PTGDS: variants seen among roughly 807,000 people sequenced by gnomAD.
PTGDS encodes the protein prostaglandin D2 synthase, also known as prostaglandin-H2 D-isomerase.
PTGDS carries 21 observed loss-of-function variants against 28.4 expected under a neutral mutation model. That is an observed-to-expected ratio of 0.74 (90% CI 0.52 to 1.07). The LOEUF (loss-of-function observed/expected upper bound fraction) is 1.07. Among genes scored for constraint, PTGDS ranks in the 50% least tolerant of loss-of-function variants. The pLI is 0.00. For synonymous variants in PTGDS, 102 were observed against 106.0 expected, an observed-to-expected ratio of 0.96 and a Z score of 0.23; for missense variants, 243 against 247.7, an observed-to-expected ratio of 0.98 and a Z score of 0.13.
At chr9:136,978,309 G>A (rs1830399511) in intron 1 of PTGDS, among the ~76,000 whole-genome samples, 1 of 152,082 alleles carries the variant, frequency 6.6e-6, no homozygotes, top group African/African-American at 2.4e-5. Flanking sequence ...CCAGGGCACA[G>A]AATCGGGACC....
chr9:136,978,456 G>A (rs1830401584), intron 1 of PTGDS, among the ~76,000 whole-genome samples: 1 of 132,964 alleles, frequency 7.5e-6, no homozygotes, highest in Non-Finnish European at 1.6e-5. Context: ...GAGGGGCGGG[G>A]CCATCTCCGG....
chr9:136,978,873 G>T, intron 1 of PTGDS, 120 bp from the exon 2 acceptor site: 4 of 1,423,992 alleles, frequency 2.8e-6, no homozygotes, highest in East Asian at 2.5e-5. Flanking sequence ...TCGGGGGATT[G>T]GGCGTGGGGG....
intron 3 of PTGDS, 47 bp downstream of exon 3, chr9:136,979,346 A>C (rs1196503766): frequency 6.3e-7 from 1 of 1,588,430 alleles, no homozygotes; most frequent in Non-Finnish European, 8.6e-7. Flanking sequence ...TGGGGGCGAC[A>C]CTTGCCGGGA....
At chr9:136,979,353 G>T in intron 3 of PTGDS, 54 bp downstream of exon 3, 1 of 1,586,930 alleles carries the variant, frequency 6.3e-7, no homozygotes, top group Non-Finnish European at 8.6e-7. Context: ...GACACTTGCC[G>T]GGACGACTCT....
intron 6 of PTGDS, 55 bp downstream of exon 6, chr9:136,980,910 C>T (rs1023115048): frequency 6.0e-6 from 8 of 1,323,906 alleles, no homozygotes; most frequent in Non-Finnish European, 8.3e-6. Flanking sequence ...ATTCAACACA[C>T]ATCCACCCAA....
chr9:136,979,357 C>T (rs1002876644), intron 3 of PTGDS, 58 bp downstream of exon 3: 14 of 1,584,082 alleles, frequency 8.8e-6, no homozygotes, highest in African/African-American at 1.3e-5. Flanking sequence ...CTTGCCGGGA[C>T]GACTCTGGGC....
At chr9:136,978,915 G>C (rs577231020) in intron 1 of PTGDS, 78 bp from the exon 2 acceptor site, 6 of 1,563,584 alleles carry the variant, frequency 3.8e-6, no homozygotes, top group Admixed American at 1.8e-5. Flanking sequence ...AGGAGTAGAC[G>C]GCAGAGGCGC....
At chr9:136,980,585 A>C (rs1830436690) in intron 5 of PTGDS, 1 of 1,380,912 alleles carries the variant, frequency 7.2e-7, no homozygotes. Context: ...TGGGGGATAC[A>C]GGGGAACCAA....
chr9:136,977,899 T>A, intron 1 of PTGDS, among the ~76,000 whole-genome samples: 1 of 151,974 alleles, frequency 6.6e-6, no homozygotes, highest in East Asian at 1.9e-4. Context: ...GGGCACCGCG[T>A]CCCGTCTCCC....
chr9:136,980,783 T>G (rs190538500), intron 5 of PTGDS, 50 bp from the exon 6 acceptor site: 26 of 1,613,832 alleles, frequency 1.6e-5, no homozygotes, highest in Non-Finnish European at 2.2e-5. Context: ...GTGGGAAAAT[T>G]GGCCTAAGTC....
intron 3 of PTGDS, 198 bp from the exon 4 acceptor site, chr9:136,979,748 G>C (rs996808155): frequency 3.0e-6 from 2 of 656,234 alleles, no homozygotes; most frequent in South Asian, 1.8e-5. Context: ...GGCTCCCCCA[G>C]ATTCTGGTTT....
chr9:136,979,486 C>T, intron 3 of PTGDS, 187 bp downstream of exon 3: 2 of 1,524,326 alleles, frequency 1.3e-6, no homozygotes, highest in South Asian at 1.2e-5. Flanking sequence ...CAGAGAGACC[C>T]TTCCTCCAGG....
Position 136,979,213 on chromosome 9 carries a change from C to T in PTGDS, c.255-10C>T, listed in dbSNP as rs548091306. 2 of 1,613,088 alleles carry T rather than the reference C, an allele frequency of 1.2e-6. No homozygotes were observed. The highest frequency in any genetic ancestry group is 2.2e-5 in the South Asian group (2 of 91,086). On this transcript the variant is annotated splice_polypyrimidine_tract_variant and intron_variant, in intron 2 of 6. Coordinates refer to ENST00000371625, the MANE Select transcript of PTGDS (RefSeq NM_000954.6). ...GCCTAACCCCTGACCCTGAGGTCAC[C>T]CACCTACAGGAAAAACCAGTGTGAG...
At chr9:136,978,155 C>T (rs1588486009) in intron 1 of PTGDS, among the ~76,000 whole-genome samples, 1 of 152,100 alleles carries the variant, frequency 6.6e-6, no homozygotes, top group East Asian at 1.9e-4. Flanking sequence ...GGGGAAGCGC[C>T]GGAGCGCGGG....
intron 5 of PTGDS, chr9:136,980,559 G>C: frequency 1.7e-6 from 2 of 1,186,892 alleles, no homozygotes; most frequent in South Asian, 1.6e-5. Flanking sequence ...GGGGGGCATA[G>C]GGTAGAGGGT....
chr9:136,979,125 T>G lies in PTGDS; in HGVS notation c.247T>G (p.Phe83Val), dbSNP rs199535360. ...TGGTGGCCTCAACCTGACCTCCACCTTCCTCAGGTGGGACAGCGGGCAGGT... is the reference window on the plus strand; with the variant it reads ...TGGTGGCCTCAACCTGACCTCCACCGTCCTCAGGTGGGACAGCGGGCAGGT... ...TDGGLNLTST[F>V]LRKNQCETRT... is the part of the protein sequence containing the mutation. Residue 83 changes from phenylalanine (F) to valine (V), a missense_variant, in exon 2 of 7, where the codon TTC becomes GTC. Phe to Val is a conservative substitution (Grantham distance 50). Transcript: ENST00000371625. 205 of 1,612,732 alleles carry G rather than the reference T, an allele frequency of 1.3e-4. No individual in the cohort carries two copies. Among genetic ancestry groups the G allele is most frequent in the Non-Finnish European group, 1.6e-4 (190 of 1,179,710 alleles).
intron 3 of PTGDS, chr9:136,979,714 C>G: frequency 1.6e-6 from 1 of 618,178 alleles, no homozygotes; most frequent in Non-Finnish European, 2.8e-6. Context: ...GCGGCTGCAC[C>G]AGGAATCCTG....
At chr9:136,978,929 C>G (rs764588779) in intron 1 of PTGDS, 64 bp from the exon 2 acceptor site, 3 of 1,581,468 alleles carry the variant, frequency 1.9e-6, no homozygotes, top group East Asian at 2.3e-5. Flanking sequence ...GAGGCGCCCC[C>G]GCAGGTAGGC....
intron 6 of PTGDS, among the ~76,000 whole-genome samples, chr9:136,981,272 C>T (rs962768163): frequency 3.9e-5 from 6 of 152,090 alleles, no homozygotes; most frequent in Non-Finnish European, 5.9e-5. Flanking sequence ...GGGCCAAGGA[C>T]GCTACATGGA....
Sources: allele counts gnomAD v4.1 joint callset (sites outside exome capture counted in the v4.1 genomes callset), GRCh38; gene constraint gnomAD v4.1.1; transcripts MANE v1.5; gene names NCBI Gene and HGNC (gene_info 2026-07-23, HGNC 2026-07-21).